The following TTC3 variants were observed in gnomAD, a reference collection of about 807,000 sequenced individuals.
TTC3 encodes the protein tetratricopeptide repeat domain 3, also known as E3 ubiquitin-protein ligase TTC3.
A neutral mutation model predicts 249.6 loss-of-function variants in TTC3; 180 were observed. The observed-to-expected ratio is 0.72, with a 90% CI of 0.64 to 0.82. The LOEUF (loss-of-function observed/expected upper bound fraction) is 0.82, where lower values mean the gene tolerates loss of function less well. Among genes scored for constraint, TTC3 ranks in the 40% least tolerant of loss-of-function variants. TTC3 has a pLI of 0.00. For missense variants in TTC3, 2,061 were observed against 2,398.4 expected, an observed-to-expected ratio of 0.86 and a Z score of 2.94; for synonymous variants, 717 against 805.0, an observed-to-expected ratio of 0.89 and a Z score of 1.85.
intron 35 of TTC3, among the ~76,000 whole-genome samples, chr21:37,177,630 C>T (rs1032754922): frequency 2.0e-5 from 3 of 152,146 alleles, no homozygotes; most frequent in African/African-American, 7.2e-5. Flanking sequence ...TTTCCCAGTA[C>T]CATCCCTTCT....
At chr21:37,105,755 T>A (rs2075019089) in intron 10 of TTC3, among the ~76,000 whole-genome samples, 1 of 152,208 alleles carries the variant, frequency 6.6e-6, no homozygotes, top group Admixed American at 6.5e-5. Context: ...ATATACTATG[T>A]GTTCTTTTAT....
rs564294261 is a variant in TTC3, at chr21:37,171,038, G to A, written c.4468-1557G>A. On this transcript the variant is annotated intron_variant, in intron 34 of 45. Coordinates refer to ENST00000355666, the Ensembl canonical transcript of TTC3. ...TAGCATCATTTTAAATGGATACTTG[G>A]TTTTCCATTTTATTAATGTGTGATC... 3.3e-5 allele frequency among the ~76,000 whole-genome samples: 5 copies of A among 152,156 alleles called. No individual in the cohort carries two copies. In the East Asian group the frequency reaches 9.7e-4, roughly 29 times the overall value.
chr21:37,134,606 A>G (rs2077763445), intron 17 of TTC3, among the ~76,000 whole-genome samples: 1 of 152,156 alleles, frequency 6.6e-6, no homozygotes, highest in African/African-American at 2.4e-5. Context: ...TGAATGGCGC[A>G]CACGTGTATA....
intron 25 of TTC3, 22 bp downstream of exon 25, chr21:37,150,906 C>T: frequency 1.3e-6 from 2 of 1,540,098 alleles, no homozygotes; most frequent in African/African-American, 1.4e-5. Context: ...AACAATCAAT[C>T]AGTGGTTTGA....
intron 12 of TTC3, 87 bp from the exon 13 acceptor site, chr21:37,122,896 C>T: frequency 7.4e-7 from 1 of 1,346,906 alleles, no homozygotes; most frequent in Non-Finnish European, 1.0e-6. Flanking sequence ...TCCTTACTAT[C>T]AGCTTAAAGT....
intron 35 of TTC3, among the ~76,000 whole-genome samples, chr21:37,181,588 A>G (rs1237085287): frequency 6.6e-6 from 1 of 152,242 alleles, no homozygotes; most frequent in African/African-American, 2.4e-5. Flanking sequence ...TAAAGGGAAC[A>G]TTACTGAGCT....
At chr21:37,185,296 C>T (rs1238959263) in intron 36 of TTC3, among the ~76,000 whole-genome samples, 4 of 152,164 alleles carry the variant, frequency 2.6e-5, no homozygotes, top group African/African-American at 9.7e-5. Context: ...TGCATGAATG[C>T]TTGTTTTGAC....
chr21:37,167,890 T>C (rs2081390034), intron 34 of TTC3, among the ~76,000 whole-genome samples: 1 of 151,846 alleles, frequency 6.6e-6, no homozygotes. Context: ...TTTATTTTTA[T>C]TTTAATTATT....
intron 35 of TTC3, among the ~76,000 whole-genome samples, chr21:37,175,024 G>A (rs1464561263): frequency 6.6e-6 from 1 of 151,862 alleles, no homozygotes; most frequent in Admixed American, 6.6e-5. Flanking sequence ...GGGAGGCCAA[G>A]GTGGGTGGAT....
intron 13 of TTC3, among the ~76,000 whole-genome samples, 156 bp downstream of exon 13, chr21:37,123,184 T>C (rs191860765): frequency 1.3e-5 from 2 of 152,334 alleles, no homozygotes; most frequent in African/African-American, 2.4e-5. Context: ...GTCCGTGTTA[T>C]CAGGTGACCT....
chr21:37,132,787 A>G (rs760475594), intron 17 of TTC3, 21 bp downstream of exon 17: 5 of 1,568,018 alleles, frequency 3.2e-6, no homozygotes, highest in South Asian at 1.2e-5. Context: ...AGCTTTTCCA[A>G]TGGAAAAAGC....
Position 37,095,330 on chromosome 21 carries a change from C to G in TTC3, c.688-20C>G, listed in dbSNP as rs1311573817. 2.6e-6 allele frequency: 4 copies of G among 1,564,578 alleles called. No homozygotes were observed. In the African/African-American group the frequency reaches 5.5e-5, roughly 22 times the overall value. On this transcript the variant is annotated intron_variant, in intron 8 of 45. Transcript: ENST00000355666. ...TTTTTGGAGGTCATTGATGGGTCTTCTTTCACCTTGGTTTCTCAGGAAGGA... is the reference window on the plus strand; with the variant it reads ...TTTTTGGAGGTCATTGATGGGTCTTGTTTCACCTTGGTTTCTCAGGAAGGA...
In TTC3 at chr21:37,191,377, T is replaced by C. The variant is rs745449433; in HGVS notation, c.5068T>C (p.Trp1690Arg). Residue 1690 changes from tryptophan to arginine, a missense_variant, in exon 40 of 46, where the codon TGG becomes CGG. By Grantham distance (101) the Trp-to-Arg change is moderately radical (BLOSUM62 -3). Around this residue, in one of 3 missense-constraint regions of TTC3, gnomAD observed 1,040 missense variants for 1,186.1 expected, o/e 0.88. Coordinates refer to ENST00000355666, the Ensembl canonical transcript of TTC3. ...TGACATGGAGTCTGATATACGTTCA[T>C]GGGAATTGTTTCTTTCTAATGTTAC... 80 of 1,591,710 alleles carry C rather than the reference T, an allele frequency of 5.0e-5. No homozygotes were observed. The highest frequency in any genetic ancestry group is 6.3e-5 in the Non-Finnish European group (74 of 1,172,494).
chr21:37,153,567 A>G (rs1366528690), intron 27 of TTC3, among the ~76,000 whole-genome samples: 2 of 152,184 alleles, frequency 1.3e-5, no homozygotes, highest in African/African-American at 4.8e-5. Flanking sequence ...CAGAAAAACT[A>G]TTACACACAC....
intron 34 of TTC3, among the ~76,000 whole-genome samples, chr21:37,167,874 A>T (rs1445297305): frequency 6.6e-6 from 1 of 151,756 alleles, no homozygotes; most frequent in African/African-American, 2.4e-5. Context: ...TATTTTTAAA[A>T]TTTTATTTAT....
chr21:37,177,009 G>A (rs2082338971), intron 35 of TTC3, among the ~76,000 whole-genome samples: 1 of 152,166 alleles, frequency 6.6e-6, no homozygotes, highest in South Asian at 2.1e-4. Context: ...GACTGTAATC[G>A]CTAAGCGTAG....
At chr21:37,129,150 C>A in intron 16 of TTC3, 87 bp downstream of exon 16, 1 of 826,374 alleles carries the variant, frequency 1.2e-6, no homozygotes, top group Non-Finnish European at 1.8e-6. Context: ...CGAGTATTAG[C>A]TACTTTAATG....
intron 36 of TTC3, among the ~76,000 whole-genome samples, chr21:37,184,714 C>A (rs1304888618): frequency 6.6e-6 from 1 of 151,618 alleles, no homozygotes; most frequent in African/African-American, 2.4e-5. Flanking sequence ...GATGATCCAC[C>A]CATCTCGGCC....
chr21:37,161,846 T>G, intron 30 of TTC3, 144 bp from the exon 31 acceptor site: 1 of 495,922 alleles, frequency 2.0e-6, no homozygotes. Context: ...TATGTGTTCC[T>G]GTTTATAAGA....
Sources: gnomAD v4.1 joint callset for allele counts (sites outside exome capture counted in the v4.1 genomes callset) on GRCh38, gnomAD v4.1.1 for gene constraint, gnomAD v4.1.1 regional missense constraint, MANE v1.5 for transcripts, NCBI Gene and HGNC (gene_info 2026-07-23, HGNC 2026-07-21) for gene names.